The following NFATC2 variants were observed in gnomAD, a reference collection of about 807,000 sequenced individuals.
NFATC2 encodes nuclear factor of activated T-cells, cytoplasmic 2.
A neutral mutation model predicts 87.3 loss-of-function variants in NFATC2; 22 were observed. The ratio of observed to expected loss-of-function variants is 0.25; its 90% confidence interval spans 0.18 to 0.36. The LOEUF is 0.36. Ranked by LOEUF, NFATC2 falls within the 10% of genes least tolerant of loss-of-function variation. The pLI, the probability that NFATC2 is intolerant of heterozygous loss-of-function variation, is 1.00. For synonymous variants in NFATC2, 565 were observed against 542.2 expected (o/e 1.04, Z -0.58); for missense variants, 1,149 against 1,259.1 (o/e 0.91, Z 1.32).
intron 5 of NFATC2, among the ~76,000 whole-genome samples, chr20:51,461,919 C>G (rs1987200606): frequency 6.6e-6 from 1 of 152,068 alleles, no homozygotes; most frequent in Non-Finnish European, 1.5e-5. Flanking sequence ...ACTTCGAGAC[C>G]AGCCTGGCCA....
chr20:51,474,993 G>C (rs1988585470), intron 4 of NFATC2, among the ~76,000 whole-genome samples: 1 of 144,830 alleles, frequency 6.9e-6, no homozygotes. Flanking sequence ...TTTTGAGACA[G>C]AGTCTCACTC....
At chr20:51,555,233 C>T (rs929422785) in intron 1 of NFATC2, among the ~76,000 whole-genome samples, 1 of 152,166 alleles carries the variant, frequency 6.6e-6, no homozygotes, top group African/African-American at 2.4e-5. Context: ...AGACCACATA[C>T]CACTGCTGCT....
chr20:51,483,093 G>A (rs1244513555), intron 3 of NFATC2, among the ~76,000 whole-genome samples: 1 of 152,138 alleles, frequency 6.6e-6, no homozygotes, highest in Admixed American at 6.6e-5. Flanking sequence ...CAGCCCTTGC[G>A]TGCCCGTTCT....
chr20:51,498,536 G>T (rs144495933), intron 3 of NFATC2, among the ~76,000 whole-genome samples: 2 of 151,946 alleles, frequency 1.3e-5, no homozygotes, highest in Non-Finnish European at 2.9e-5. Context: ...GGTGGCTCAC[G>T]CCTGTAATCC....
chr20:51,541,495 A>G (rs1453904713), intron 1 of NFATC2, among the ~76,000 whole-genome samples: 1 of 152,096 alleles, frequency 6.6e-6, no homozygotes, highest in Non-Finnish European at 1.5e-5. Context: ...ACGTGAAGTG[A>G]CAGATAAGCA....
chr20:51,496,414 T>C (rs2075989195), intron 3 of NFATC2, among the ~76,000 whole-genome samples: 1 of 151,794 alleles, frequency 6.6e-6, no homozygotes, highest in Admixed American at 6.6e-5. Context: ...CATTCTTCCT[T>C]TACATCCTGC....
At chr20:51,537,115 A>C (rs1002674817) in intron 1 of NFATC2, among the ~76,000 whole-genome samples, 1 of 152,070 alleles carries the variant, frequency 6.6e-6, no homozygotes, top group Non-Finnish European at 1.5e-5. Context: ...GAATGGGTCG[A>C]GAGCAGGTGT....
At position 51,542,573 on chromosome 20, in the gene NFATC2, G is replaced by A; in HGVS notation, c.-74C>T. ...GCTGGCTCTGGGACCCCTCGCAGTG[G>A]GGCTGGCGGAGGCGGCTCGAGCGGC... On this transcript the variant is annotated 5_prime_UTR_variant, in exon 1 of 11. Transcript: ENST00000371564. 7.9e-7 allele frequency: 1 copy of A among 1,266,606 alleles called. No homozygotes were observed. The highest frequency in any genetic ancestry group is 1.0e-6 in the Non-Finnish European group (1 of 1,003,190). 78.5% of individuals were successfully genotyped at this position (1,266,606 alleles called of 1,614,324 possible). A position where few individuals can be genotyped will look rare whatever the true frequency, so the allele number is the denominator to read the frequency against.
intron 3 of NFATC2, among the ~76,000 whole-genome samples, chr20:51,509,475 T>C (rs1209941879): frequency 6.6e-6 from 1 of 152,014 alleles, no homozygotes; most frequent in Admixed American, 6.6e-5. Context: ...CTCCAATTTT[T>C]TGGAAGCCTG....
chr20:51,417,509 TCCTC>T (rs1980206622), intron 9 of NFATC2, among the ~76,000 whole-genome samples: 1 of 151,990 alleles, frequency 6.6e-6, no homozygotes, highest in Non-Finnish European at 1.5e-5. Context: ...CTCACTCTCT[TCCTC>T]CCGGTCTCAA....
At chr20:51,502,737 TC>T (rs1793576520) in intron 3 of NFATC2, among the ~76,000 whole-genome samples, 1 of 152,168 alleles carries the variant, frequency 6.6e-6, no homozygotes, top group African/African-American at 2.4e-5. Flanking sequence ...AAGCCAGGGT[TC>T]AAGCAAAGGC....
At chr20:51,510,006 C>A (rs146940743) in intron 3 of NFATC2, among the ~76,000 whole-genome samples, 2 of 152,300 alleles carry the variant, frequency 1.3e-5, no homozygotes, top group East Asian at 3.9e-4. Flanking sequence ...AACAGAGCTA[C>A]CCATGTTTTT....
chr20:51,562,720 T>C (rs2077043323), upstream of NFATC2: 4 of 1,220,428 alleles, frequency 3.3e-6, no homozygotes, highest in South Asian at 4.1e-5. The surrounding 1 kb of genome is among the most constrained non-coding windows in gnomAD (Gnocchi z 5.8). Flanking sequence ...CTCTACCGCG[T>C]GCCCGCGGGG....
At chr20:51,535,351 C>T (rs1422052450) in intron 1 of NFATC2, among the ~76,000 whole-genome samples, 1 of 152,224 alleles carries the variant, frequency 6.6e-6, no homozygotes, top group East Asian at 1.9e-4. Context: ...TCCCCACATC[C>T]CCTCGCACAG....
At chr20:51,458,497 TAA>T (rs112211646) in intron 5 of NFATC2, among the ~76,000 whole-genome samples, 5 of 144,644 alleles carry the variant, frequency 3.5e-5, no homozygotes, top group African/African-American at 1.3e-4. Context: ...GTTTTTATCT[TAA>T]AAAAAAAAAA....
upstream of NFATC2, among the ~76,000 whole-genome samples, chr20:51,543,337 G>A (rs1227365072): frequency 2.0e-5 from 3 of 152,224 alleles, no homozygotes; most frequent in Admixed American, 2.0e-4. Context: ...TAGTGGGAGA[G>A]GCCTGAAGGA....
intron 3 of NFATC2, among the ~76,000 whole-genome samples, chr20:51,478,517 T>G (rs890076846): frequency 6.6e-6 from 1 of 152,150 alleles, no homozygotes; most frequent in Non-Finnish European, 1.5e-5. Flanking sequence ...TACAGCTCCA[T>G]GTGAATCCAG....
rs1344989067 is a variant in NFATC2 at position 51,516,791 on chromosome 20, A to C, written c.1325T>G (p.Val442Gly). The C allele has an allele frequency of 6.2e-7, 1 of 1,608,582 alleles. No individual in the cohort carries two copies. Among genetic ancestry groups the C allele is most frequent in the Non-Finnish European group, 8.5e-7 (1 of 1,176,670 alleles). ...AVKAPTGGHP[V>G]VQLHGYMENK... Reference sequence around the variant, plus strand: ...GAGCATTCAAGTCCATACCTGAACCACAGGGTGGCCTCCAGTTGGAGCTTT... The same window carrying C: ...GAGCATTCAAGTCCATACCTGAACCCCAGGGTGGCCTCCAGTTGGAGCTTT... The change falls in exon 3 of 11, where the codon GTG (valine) becomes GGG (glycine). Residue 442 changes from valine to glycine, a missense_variant. Physicochemically the swap from Val to Gly is moderately radical, Grantham distance 109. Transcript: ENST00000371564.
rs56344667 is a variant in NFATC2 at position 51,541,155 on chromosome 20, C to T, written c.130+1215G>A. Among the ~76,000 whole-genome samples the T allele has an allele frequency of 2.9e-3, 446 of 152,202 alleles. 3 individuals are homozygous for T. Among genetic ancestry groups the T allele is most frequent in the African/African-American group, 9.9e-3 (410 of 41,516 alleles). ...GAGAGGACACCGATGGAAGCGAAAACTTCATTATCTGCCTAACACAGTGTT... is the reference window on the plus strand; with the variant it reads ...GAGAGGACACCGATGGAAGCGAAAATTTCATTATCTGCCTAACACAGTGTT... On this transcript the variant is annotated intron_variant, in intron 1 of 10. Transcript: ENST00000371564.
Sources: allele counts gnomAD v4.1 joint callset (sites outside exome capture counted in the v4.1 genomes callset), GRCh38; gene constraint gnomAD v4.1.1; non-coding constraint Gnocchi (gnomAD v3.1); transcripts MANE v1.5; gene names NCBI Gene and HGNC (gene_info 2026-07-23, HGNC 2026-07-21).